RXFP1: variants seen among roughly 807,000 people sequenced by gnomAD.
The protein encoded by RXFP1 is relaxin receptor 1.
RXFP1 carries 73 observed loss-of-function variants against 89.8 expected under a neutral mutation model. That is an observed-to-expected ratio of 0.81 (90% CI 0.67 to 0.99). RXFP1 has a LOEUF of 0.99. Among genes scored for constraint, RXFP1 ranks in the 50% least tolerant of loss-of-function variants. RXFP1 has a pLI of 0.00. For synonymous variants in RXFP1, 277 were observed against 305.5 expected, an observed-to-expected ratio of 0.91 and a Z score of 0.97; for missense variants, 793 against 895.5, an observed-to-expected ratio of 0.89 and a Z score of 1.46.
chr4:158,569,292 G>T (rs1279581304), intron 1 of RXFP1, among the ~76,000 whole-genome samples: 3 of 152,202 alleles, frequency 2.0e-5, no homozygotes, highest in African/African-American at 7.2e-5. Context: ...AATGTTCAGT[G>T]GTTACCAGAG....
chr4:158,537,471 G>A (rs976431640), intron 1 of RXFP1, among the ~76,000 whole-genome samples: 3 of 152,062 alleles, frequency 2.0e-5, no homozygotes, highest in Admixed American at 1.3e-4. Flanking sequence ...CATCAGGCCC[G>A]AAGTGCCCTT....
chr4:158,634,219 T>C (rs1248788288), intron 12 of RXFP1, among the ~76,000 whole-genome samples: 2 of 152,190 alleles, frequency 1.3e-5, no homozygotes, highest in African/African-American at 4.8e-5. Context: ...GGCATGCTAA[T>C]GGATGTGAAA....
chr4:158,639,076 G>C, intron 13 of RXFP1, among the ~76,000 whole-genome samples, 184 bp from the exon 14 acceptor site: 1 of 152,178 alleles, frequency 6.6e-6, no homozygotes. Context: ...AAGATAATAC[G>C]TGTATAAATA....
chr4:158,526,240 G>T (rs1006390367), intron 1 of RXFP1, among the ~76,000 whole-genome samples: 3 of 152,132 alleles, frequency 2.0e-5, no homozygotes, highest in Non-Finnish European at 4.4e-5. Flanking sequence ...TATATAGAAA[G>T]CACTTTTGTT....
chr4:158,567,899 C>A (rs1038278727), intron 1 of RXFP1, among the ~76,000 whole-genome samples: 3 of 152,220 alleles, frequency 2.0e-5, no homozygotes, highest in East Asian at 3.8e-4. Flanking sequence ...GGGTCTCCTT[C>A]CAGCTTGTGG....
chr4:158,613,822 G>A (rs184391275), intron 8 of RXFP1, among the ~76,000 whole-genome samples: 10 of 152,276 alleles, frequency 6.6e-5, no homozygotes, highest in Non-Finnish European at 1.2e-4. Context: ...CTTTCTAGAA[G>A]GTTTTTAATT....
At chr4:158,590,727 C>T (rs1759280535) in intron 2 of RXFP1, among the ~76,000 whole-genome samples, 8 of 152,146 alleles carry the variant, frequency 5.3e-5, no homozygotes, top group Admixed American at 5.2e-4. Context: ...GATAACCCAT[C>T]CGATGTTTCC....
chr4:158,587,532 C>G (rs1758535634), intron 2 of RXFP1, among the ~76,000 whole-genome samples: 1 of 152,052 alleles, frequency 6.6e-6, no homozygotes, highest in African/African-American at 2.4e-5. Context: ...AAACAGACAA[C>G]AGAAAAATAA....
intron 1 of RXFP1, among the ~76,000 whole-genome samples, chr4:158,561,610 A>AT (rs892827656): frequency 7.1e-6 from 1 of 141,584 alleles, no homozygotes; most frequent in Admixed American, 7.2e-5. Flanking sequence ...CACAATCTGT[A>AT]TTTTTTTCTT....
At chr4:158,595,582 T>C (rs1288841296) in intron 3 of RXFP1, among the ~76,000 whole-genome samples, 1 of 152,236 alleles carries the variant, frequency 6.6e-6, no homozygotes, top group African/African-American at 2.4e-5. Context: ...TTTTTTCTCT[T>C]GCAAAAATTA....
intron 1 of RXFP1, among the ~76,000 whole-genome samples, chr4:158,536,760 A>C (rs1745362300): frequency 6.6e-6 from 1 of 152,178 alleles, no homozygotes. Context: ...GTTTGCCTTC[A>C]ACTGAACAAA....
Position 158,638,065 on chromosome 4 carries a change from C to A in RXFP1, c.1029C>A (p.Val343=), listed in dbSNP as rs1430750283. 1 of 1,595,790 alleles carries A rather than the reference C, an allele frequency of 6.3e-7. No homozygotes were observed. The highest frequency in any genetic ancestry group is 1.3e-5 in the African/African-American group (1 of 74,548). ...AAGCAAACCAATTTGATTATCTTGTCAAACTCAAGTCTCTGTAAGTATTCA... is the reference window on the plus strand; with the variant it reads ...AAGCAAACCAATTTGATTATCTTGTAAAACTCAAGTCTCTGTAAGTATTCA... ...KIQANQFDYL[V]KLKSLSLEGI... is the part of the protein sequence containing the mutation. Residue 343 remains valine, a synonymous_variant, in exon 13 of 18, where the codon GTC becomes GTA. Coordinates refer to ENST00000307765, the MANE Select transcript of RXFP1 (RefSeq NM_021634.4).
chr4:158,566,556 G>A, intron 1 of RXFP1, among the ~76,000 whole-genome samples: 1 of 151,994 alleles, frequency 6.6e-6, no homozygotes, highest in East Asian at 1.9e-4. Flanking sequence ...GTAGAGATGA[G>A]GTTTCACCAC....
At chr4:158,580,685 C>T (rs151266945) in intron 2 of RXFP1, among the ~76,000 whole-genome samples, 7 of 152,302 alleles carry the variant, frequency 4.6e-5, no homozygotes, top group Non-Finnish European at 8.8e-5. Flanking sequence ...CTCCCCACTG[C>T]GGCGGACTTT....
intron 1 of RXFP1, among the ~76,000 whole-genome samples, chr4:158,531,445 T>C (rs987904917): frequency 2.0e-5 from 3 of 152,158 alleles, no homozygotes; most frequent in Admixed American, 2.0e-4. Flanking sequence ...CTGACACACA[T>C]ATTCCCCTAC....
intron 1 of RXFP1, among the ~76,000 whole-genome samples, chr4:158,566,093 C>G (rs1753483781): frequency 6.6e-6 from 1 of 152,196 alleles, no homozygotes; most frequent in Non-Finnish European, 1.5e-5. Flanking sequence ...CAAACCAGAT[C>G]CTTTTACTAC....
At chr4:158,627,223 T>C (rs1056189399) in intron 10 of RXFP1, among the ~76,000 whole-genome samples, 2 of 152,174 alleles carry the variant, frequency 1.3e-5, no homozygotes, top group Non-Finnish European at 2.9e-5. Flanking sequence ...TTCCTTCTTA[T>C]GCATCTCTGG....
chr4:158,522,060 A>T, intron 1 of RXFP1, 35 bp downstream of exon 1: 1 of 1,310,698 alleles, frequency 7.6e-7, no homozygotes, highest in Non-Finnish European at 1.1e-6. Flanking sequence ...TGTATACCTT[A>T]GTATTTTGTG....
At chr4:158,623,486 G>A (rs1336053047) in intron 9 of RXFP1, among the ~76,000 whole-genome samples, 1 of 68,514 alleles carries the variant, frequency 1.5e-5, no homozygotes, top group Admixed American at 2.0e-4. Flanking sequence ...TGGGCAACAA[G>A]AGTGAAACTC....
Sources: allele counts gnomAD v4.1 joint callset (sites outside exome capture counted in the v4.1 genomes callset), GRCh38; gene constraint gnomAD v4.1.1; transcripts MANE v1.5; gene names NCBI Gene and HGNC (gene_info 2026-07-23, HGNC 2026-07-21).